PPP2R5C: variants seen among roughly 807,000 people sequenced by gnomAD.
The protein encoded by PPP2R5C is protein phosphatase 2 regulatory subunit B'gamma.
In PPP2R5C, 7 loss-of-function variants were observed where a neutral mutation model predicts 68.9. That is an observed-to-expected ratio of 0.10 (90% CI 0.06 to 0.19). PPP2R5C has a LOEUF of 0.19. Ranked by LOEUF, PPP2R5C falls within the 10% of genes least tolerant of loss-of-function variation. PPP2R5C has a pLI of 1.00. For missense variants in PPP2R5C, 348 were observed against 641.3 expected, an observed-to-expected ratio of 0.54 and a Z score of 4.94; for synonymous variants, 210 against 222.2, an observed-to-expected ratio of 0.95 and a Z score of 0.49.
At chr14:101,809,579 G>A (rs1259981886), upstream of PPP2R5C, among the ~76,000 whole-genome samples, 1 of 28,886 alleles carries the variant, frequency 3.5e-5, no homozygotes, top group Non-Finnish European at 7.1e-5. Context: ...TTTTTTTTTT[G>A]GTGGCTCCCT....
chr14:101,828,343 A>C (rs527473580), intron 1 of PPP2R5C, among the ~76,000 whole-genome samples: 1 of 152,286 alleles, frequency 6.6e-6, no homozygotes, highest in African/African-American at 2.4e-5. Flanking sequence ...AACATTGTAA[A>C]TGCACTAAAT....
At position 101,891,583 on chromosome 14, in the gene PPP2R5C, G is replaced by A. The variant is rs1211703593; in HGVS notation, c.689+1287G>A. Reference sequence around the variant, plus strand: ...CTGTATGACATGTGTTCCACAGCCCGCCATGCCGTGTGCGTAGGGCCCCCG... The same window carrying A: ...CTGTATGACATGTGTTCCACAGCCCACCATGCCGTGTGCGTAGGGCCCCCG... On this transcript the variant is annotated intron_variant, in intron 6 of 13. Transcript: ENST00000334743. The surrounding 1 kb of genome is among the most constrained non-coding windows in gnomAD (Gnocchi z 4.9). 6.6e-6 allele frequency among the ~76,000 whole-genome samples: 1 copy of A among 152,080 alleles called. No homozygotes were observed. The highest frequency in any genetic ancestry group is 1.5e-5 in the Non-Finnish European group (1 of 68,000).
chr14:101,811,274 G>A (rs2039343655), intron 1 of PPP2R5C, among the ~76,000 whole-genome samples: 2 of 152,204 alleles, frequency 1.3e-5, no homozygotes, highest in South Asian at 2.1e-4. Flanking sequence ...TAACATTCAG[G>A]TATTTTAGCT....
chr14:101,825,947 G>C lies in PPP2R5C; in HGVS notation c.94+15911G>C, dbSNP rs775777308. Among the ~76,000 whole-genome samples, 9 of 152,158 alleles carry C rather than the reference G, an allele frequency of 5.9e-5. No homozygotes were observed. The highest frequency in any genetic ancestry group is 2.0e-4 in the Admixed American group (3 of 15,272). On this transcript the variant is annotated intron_variant, in intron 1 of 13. Coordinates refer to ENST00000334743, the Ensembl canonical transcript of PPP2R5C. The surrounding 1 kb of genome is among the most constrained non-coding windows in gnomAD (Gnocchi z 4.0). ...GTGACAAGCATGAAGAATGAAGAGG[G>C]AACTGACCAAGGATCGGTGAGAATA... is the stretch of plus-strand genomic sequence containing the variant.
intron 1 of PPP2R5C, chr14:101,831,864 A>G (rs952655260): frequency 4.6e-6 from 3 of 657,606 alleles, no homozygotes; most frequent in East Asian, 5.5e-5. Flanking sequence ...TGTTACTTAC[A>G]TTGGCTTTAA....
intron 1 of PPP2R5C, among the ~76,000 whole-genome samples, chr14:101,841,672 G>A (rs116528910): frequency 2.0e-5 from 3 of 152,168 alleles, no homozygotes; most frequent in Non-Finnish European, 4.4e-5. Context: ...CCTTCCAGTC[G>A]CAGACACAAA....
chr14:101,922,050 G>T, intron 13 of PPP2R5C: 1 of 985,304 alleles, frequency 1.0e-6, no homozygotes, highest in African/African-American at 1.7e-5. Flanking sequence ...AAGGTGGGCA[G>T]TGCAGGCTCT....
chr14:101,803,954 A>C (rs1158306546), intron 3 of PPP2R5C, among the ~76,000 whole-genome samples: 4 of 152,200 alleles, frequency 2.6e-5, no homozygotes, highest in Admixed American at 2.6e-4. Context: ...GAATGGGAGA[A>C]AATACTTGCA....
At chr14:101,834,616 T>C (rs2040965403) in intron 1 of PPP2R5C, among the ~76,000 whole-genome samples, 1 of 152,210 alleles carries the variant, frequency 6.6e-6, no homozygotes. Context: ...CTCTTTAAAT[T>C]ATGAGGTCAT....
rs1286217867 is a variant in PPP2R5C, at chr14:101,888,322, A to G, written c.630-1915A>G. On this transcript the variant is annotated intron_variant, in intron 5 of 13. Transcript: ENST00000334743. The surrounding 1 kb of genome is among the most constrained non-coding windows in gnomAD (Gnocchi z 5.6). ...AAAGCACCTCTCGGTGTAGACACAC[A>G]CAGACTGACTTCTGCTTGGTCACAG... Among the ~76,000 whole-genome samples the G allele has an allele frequency of 1.3e-5, 2 of 151,928 alleles. No homozygotes were observed. Among genetic ancestry groups the G allele is most frequent in the African/African-American group, 4.8e-5 (2 of 41,348 alleles).
At chr14:101,818,811 G>A (rs1383082538) in intron 1 of PPP2R5C, 6 of 536,960 alleles carry the variant, frequency 1.1e-5, no homozygotes, top group Admixed American at 3.1e-5. Context: ...TGATATTTTG[G>A]TGTTTTCAGT....
upstream of PPP2R5C, among the ~76,000 whole-genome samples, chr14:101,761,033 C>CGAGGGGAGGGGACGGAGGG (rs2036489194): frequency 1.3e-5 from 1 of 79,474 alleles, no homozygotes; most frequent in Admixed American, 1.4e-4. Flanking sequence ...ACGGGGTGGT[C>CGAGGGGAGGGGACGGAGGG]GAGGGGAGGG....
intron 2 of PPP2R5C, among the ~76,000 whole-genome samples, chr14:101,875,985 GT>G (rs1426113570): frequency 2.6e-5 from 4 of 152,056 alleles, no homozygotes; most frequent in African/African-American, 7.2e-5. Flanking sequence ...CTTCGTCTCT[GT>G]TTCTTTTTTG....
At chr14:101,761,815 A>C (rs2036554564), upstream of PPP2R5C, 10 of 910,710 alleles carry the variant, frequency 1.1e-5, no homozygotes, top group East Asian at 1.6e-4. Flanking sequence ...CGGGGGCGCG[A>C]CGGCCGGGGC....
intron 2 of PPP2R5C, among the ~76,000 whole-genome samples, chr14:101,862,312 G>T (rs569702705): frequency 3.0e-4 from 45 of 152,342 alleles, no homozygotes; most frequent in Admixed American, 8.5e-4. Context: ...TGATGGGAAT[G>T]AGTGGGATTT....
intron 5 of PPP2R5C, among the ~76,000 whole-genome samples, chr14:101,886,657 AG>A (rs2044539983): frequency 6.6e-6 from 1 of 152,140 alleles, no homozygotes; most frequent in South Asian, 2.1e-4. Flanking sequence ...ATTTCATGTG[AG>A]GAAAAAAAAA....
intron 2 of PPP2R5C, among the ~76,000 whole-genome samples, chr14:101,864,905 C>T (rs1039750553): frequency 1.2e-4 from 18 of 152,060 alleles, no homozygotes; most frequent in African/African-American, 4.3e-4. Context: ...CAGAATGACG[C>T]ATGAAGGGAC....
At chr14:101,798,099 T>C (rs1275572916) in intron 3 of PPP2R5C, among the ~76,000 whole-genome samples, 2 of 151,790 alleles carry the variant, frequency 1.3e-5, no homozygotes, top group African/African-American at 4.8e-5. Context: ...TTTTTTTAGG[T>C]CAGATTCTTA....
intron 8 of PPP2R5C, among the ~76,000 whole-genome samples, chr14:101,900,592 CT>C (rs2045626387): frequency 1.3e-5 from 2 of 152,148 alleles, no homozygotes; most frequent in Non-Finnish European, 2.9e-5. Flanking sequence ...TTGTTGTACT[CT>C]TTTAGAACTA....
Sources: gnomAD v4.1 joint callset for allele counts (sites outside exome capture counted in the v4.1 genomes callset) on GRCh38, gnomAD v4.1.1 for gene constraint, Gnocchi (gnomAD v3.1) non-coding constraint, MANE v1.5 for transcripts, NCBI Gene and HGNC (gene_info 2026-07-23, HGNC 2026-07-21) for gene names.